The following ZNF597 variants were observed in gnomAD, a reference collection of about 807,000 sequenced individuals.
ZNF597 encodes the protein zinc finger protein 597.
A neutral mutation model predicts 7.3 loss-of-function variants in ZNF597; 5 were observed. That is an observed-to-expected ratio of 0.68 (90% CI 0.36 to 1.44). ZNF597 has a LOEUF of 1.44. Ranked by LOEUF, ZNF597 falls within the 40% of genes most tolerant of loss-of-function variation. ZNF597 has a pLI of 0.04. For missense variants in ZNF597, 585 were observed against 517.9 expected, an observed-to-expected ratio of 1.13 and a Z score of -1.26; for synonymous variants, 209 against 185.4, an observed-to-expected ratio of 1.13 and a Z score of -1.04.
chr16:3,442,926 G>A (rs1189714145), intron 2 of ZNF597, among the ~76,000 whole-genome samples, 195 bp downstream of exon 2: 1 of 152,160 alleles, frequency 6.6e-6, no homozygotes, highest in African/African-American at 2.4e-5. Flanking sequence ...GCTCCCAGTT[G>A]GTAGTTCTGA....
chr16:3,435,829 A>G lies in ZNF597; in HGVS notation c.*595T>C, dbSNP rs1024272083. 1 of 152,368 alleles carries G rather than the reference A, an allele frequency of 6.6e-6. No individual in the cohort carries two copies. The highest frequency in any genetic ancestry group is 1.5e-5 in the Non-Finnish European group (1 of 68,154). The allele number at this position is 152,368 out of a possible 1,614,324, so 9.4% of individuals were successfully genotyped here. ...AATGCCAGTATGTGCCCCTGGCATC[A>G]GAACCATGACAGAGAACTCCGGATA... On this transcript the variant is annotated 3_prime_UTR_variant, in exon 4 of 4. Coordinates refer to ENST00000301744, the MANE Select transcript of ZNF597 (RefSeq NM_152457.3).
chr16:3,442,850 C>CAAACA lies in ZNF597; in HGVS notation c.33+266_33+270dup, dbSNP rs551104879. ...CAGCGACAAGGCCAGACCCTATCTC[C>CAAACA]AAACAAAACAAAACAAACAGATAAG... On this transcript the variant is annotated intron_variant, in intron 2 of 3. Transcript: ENST00000301744. Among the ~76,000 whole-genome samples the CAAACA allele has an allele frequency of 1.3e-3, 199 of 152,224 alleles. 1 individual carries two copies. Among genetic ancestry groups the CAAACA allele is most frequent in the African/African-American group, 4.6e-3 (190 of 41,536 alleles).
chr16:3,436,304 G>C lies in ZNF597; in HGVS notation c.*120C>G. 1.1e-6 allele frequency: 1 copy of C among 928,812 alleles called. No homozygotes were observed. The highest frequency in any genetic ancestry group is 1.7e-5 in the South Asian group (1 of 57,588). The allele number at this position is 928,812 out of a possible 1,614,324, so 57.5% of individuals were successfully genotyped here. A position where few individuals can be genotyped will look rare whatever the true frequency, so the allele number is the denominator to read the frequency against. ...AAATCACGGTTGTGCTGAGAATTAAGTATTACATGGGAATGTGTGTAAAGT... is the reference window on the plus strand; with the variant it reads ...AAATCACGGTTGTGCTGAGAATTAACTATTACATGGGAATGTGTGTAAAGT... On this transcript the variant is annotated 3_prime_UTR_variant, in exon 4 of 4. Coordinates refer to ENST00000301744, the MANE Select transcript of ZNF597 (RefSeq NM_152457.3).
At chr16:3,440,779 C>A in intron 3 of ZNF597, 28 bp downstream of exon 3, 1 of 1,611,794 alleles carries the variant, frequency 6.2e-7, no homozygotes, top group Non-Finnish European at 8.5e-7. Flanking sequence ...GACAAAAGTT[C>A]CAGATGCAGG....
Position 3,433,595 on chromosome 16 carries a change from G to A in ZNF597, c.*2829C>T, listed in dbSNP as rs982691069. The A allele has an allele frequency of 3.4e-5, 5 of 147,924 alleles. No individual in the cohort carries two copies. Among genetic ancestry groups the A allele is most frequent in the African/African-American group, 1.0e-4 (4 of 39,426 alleles). The allele number at this position is 147,924 out of a possible 1,614,324, so 9.2% of individuals were successfully genotyped here. On this transcript the variant is annotated 3_prime_UTR_variant, in exon 4 of 4. Coordinates refer to ENST00000301744, the MANE Select transcript of ZNF597 (RefSeq NM_152457.3). Reference sequence around the variant, plus strand: ...CACCTAACATGGAAGGCTAGTATCTGAGTTAATGACAATTTTATGGAATTT... The same window carrying A: ...CACCTAACATGGAAGGCTAGTATCTAAGTTAATGACAATTTTATGGAATTT...
intron 2 of ZNF597, among the ~76,000 whole-genome samples, 154 bp from the exon 3 acceptor site, chr16:3,441,087 T>C (rs1347882863): frequency 1.3e-5 from 2 of 152,202 alleles, no homozygotes; most frequent in Non-Finnish European, 2.9e-5. Context: ...AAATGGGTTC[T>C]AAGGGGTGGG....
Position 3,436,626 on chromosome 16 carries a change from G to T in ZNF597, c.1073C>A (p.Ser358Tyr). 1 of 1,606,194 alleles carries T rather than the reference G, an allele frequency of 6.2e-7. No homozygotes were observed. The highest frequency in any genetic ancestry group is 8.5e-7 in the Non-Finnish European group (1 of 1,175,728). ...MTFPCFSELISHQNIHTEERP... is the reference protein window; with the variant it reads ...MTFPCFSELIYHQNIHTEERP... ...TTCCTCTGTATGAATGTTCTGATGG[G>T]AAATAAGCTCAGAGAAACAAGGAAA... Residue 358 changes from serine to tyrosine, a missense_variant, in exon 4 of 4, where the codon TCC becomes TAC. Ser to Tyr is a moderately radical substitution (Grantham distance 144, BLOSUM62 -2). Transcript: ENST00000301744.
chr16:3,443,419 C>T lies in ZNF597; in HGVS notation c.-113G>A. On this transcript the variant is annotated 5_prime_UTR_variant, in exon 1 of 4. Coordinates refer to ENST00000301744, the MANE Select transcript of ZNF597 (RefSeq NM_152457.3). Reference sequence around the variant, plus strand: ...GACAGGAGCTGCAGAAAGCGACGCCCGACCGAGACGCGACGAAGAACGCCA... The same window carrying T: ...GACAGGAGCTGCAGAAAGCGACGCCTGACCGAGACGCGACGAAGAACGCCA... The T allele has an allele frequency of 1.1e-5, 6 of 524,182 alleles. 1 individual carries two copies. In the South Asian group the frequency reaches 1.7e-4, roughly 15 times the overall value. The allele number at this position is 524,182 out of a possible 1,614,324, so 32.5% of individuals were successfully genotyped here.
rs150503963 is a variant in ZNF597 at position 3,436,781 on chromosome 16, C to T, written c.918G>A (p.Arg306=). 1.2e-6 allele frequency: 2 copies of T among 1,613,404 alleles called. No homozygotes were observed. The highest frequency in any genetic ancestry group is 2.7e-5 in the African/African-American group (2 of 74,902). Residue 306 remains arginine, a synonymous_variant, in exon 4 of 4, where the codon AGG becomes AGA. Transcript: ENST00000301744. The stretch of plus-strand genomic sequence containing the variant: ...CGGAAAGGGCAGGATATAAGGACTG[C>T]CTGAAGCTCTTCATGCACTTAGTGT... ...YQHTKCMKSF[R]QSLYPALSEK...
In ZNF597 at chr16:3,440,944, A is replaced by G. The variant is rs183222316; in HGVS notation, c.34-11T>C. ...AAAGAGTATTGGTCCCTGAAACACAAGAGCCTGTGTCAGCACAAGAGGGTG... is the reference window on the plus strand; with the variant it reads ...AAAGAGTATTGGTCCCTGAAACACAGGAGCCTGTGTCAGCACAAGAGGGTG... On this transcript the variant is annotated splice_polypyrimidine_tract_variant and intron_variant, in intron 2 of 3. Transcript: ENST00000301744. 87 of 1,612,094 alleles carry G rather than the reference A, an allele frequency of 5.4e-5. No individual in the cohort carries two copies. The African/African-American group carries it at 9.9e-4, about 18-fold the overall frequency.
Position 3,433,883 on chromosome 16 carries a change from T to C in ZNF597, c.*2541A>G, listed in dbSNP as rs1181004188. 6.6e-6 allele frequency: 1 copy of C among 152,186 alleles called. No individual in the cohort carries two copies. The highest frequency in any genetic ancestry group is 1.5e-5 in the Non-Finnish European group (1 of 68,032). 9.4% of individuals were successfully genotyped at this position (152,186 alleles called of 1,614,324 possible). ...TATTATACCAAAAAGCCATTTTAGT[T>C]CTACCCACACGTATGTTAATGTTTC... On this transcript the variant is annotated 3_prime_UTR_variant, in exon 4 of 4. Transcript: ENST00000301744.
Position 3,436,458 on chromosome 16 carries a change from G to A in ZNF597, c.1241C>T (p.Thr414Ile). The A allele has an allele frequency of 1.2e-6, 2 of 1,614,140 alleles. No homozygotes were observed. The highest frequency in any genetic ancestry group is 1.3e-5 in the African/African-American group (1 of 75,046). The change falls in exon 4 of 4, where the codon ACT becomes ATT. Residue 414 changes from threonine to isoleucine, a missense_variant. Coordinates refer to ENST00000301744, the MANE Select transcript of ZNF597 (RefSeq NM_152457.3). ...KTFKSNLHLI[T>I]HKRTHIKNTT ...GTTTTTTATGTGAGTTCGCTTATGA[G>A]TAATGAGATGCAAATTCGACTTGAA...
At chr16:3,439,132 A>G (rs1364131902) in intron 3 of ZNF597, among the ~76,000 whole-genome samples, 1 of 152,158 alleles carries the variant, frequency 6.6e-6, no homozygotes, top group Non-Finnish European at 1.5e-5. Context: ...TAATCCCAGC[A>G]CATTGGGAGG....
In ZNF597 at chr16:3,435,548, G is replaced by A. The variant is rs181153105; in HGVS notation, c.*876C>T. On this transcript the variant is annotated 3_prime_UTR_variant, in exon 4 of 4. Transcript: ENST00000301744. ...ACCCTCTGAGGACTTCAGTTTCCTC[G>A]TTTATGAAACAAAGATTTTTTTTCT... 3.1e-5 allele frequency: 4 copies of A among 127,964 alleles called. No homozygotes were observed. The highest frequency in any genetic ancestry group is 2.5e-4 in the East Asian group (1 of 3,938). 7.9% of individuals were successfully genotyped at this position (127,964 alleles called of 1,614,324 possible). A position where few individuals can be genotyped will look rare whatever the true frequency, so the allele number is the denominator to read the frequency against.
At chr16:3,438,599 G>GA (rs967508737) in intron 3 of ZNF597, among the ~76,000 whole-genome samples, 6 of 151,286 alleles carry the variant, frequency 4.0e-5, no homozygotes, top group African/African-American at 1.2e-4. Context: ...AAAGAAAAAA[G>GA]AAAAAAAAGC....
chr16:3,433,634 G>A lies in ZNF597; in HGVS notation c.*2790C>T, dbSNP rs2034274015. On this transcript the variant is annotated 3_prime_UTR_variant, in exon 4 of 4. Coordinates refer to ENST00000301744, the MANE Select transcript of ZNF597 (RefSeq NM_152457.3). ...TTTATGGAATTTATCTCCATCAGTT[G>A]ACACTGTAAACAGAAGGGTGAAATG... 6.6e-6 allele frequency: 1 copy of A among 152,186 alleles called. No homozygotes were observed. The highest frequency in any genetic ancestry group is 2.4e-5 in the African/African-American group (1 of 41,436). The allele number at this position is 152,186 out of a possible 1,614,324, so 9.4% of individuals were successfully genotyped here.
rs556150524 is a variant in ZNF597 at position 3,436,244 on chromosome 16, G to A, written c.*180C>T. Reference sequence around the variant, plus strand: ...TCACTAGTTTAGTGACACGGATTTTGCATCCCTACTTATAAAATGGAAATG... The same window carrying A: ...TCACTAGTTTAGTGACACGGATTTTACATCCCTACTTATAAAATGGAAATG... On this transcript the variant is annotated 3_prime_UTR_variant, in exon 4 of 4. Coordinates refer to ENST00000301744, the MANE Select transcript of ZNF597 (RefSeq NM_152457.3). 2.0e-5 allele frequency: 13 copies of A among 639,322 alleles called. No individual in the cohort carries two copies. In the South Asian group the frequency reaches 2.7e-4, roughly 13 times the overall value. The allele number at this position is 639,322 out of a possible 1,614,324, so 39.6% of individuals were successfully genotyped here.
Position 3,439,795 on chromosome 16 carries a change from T to C in ZNF597, c.160+1012A>G, listed in dbSNP as rs144520077. ...ATTTACCCAGGAAGTAAAGAAAATA[T>C]AGAAAATATAACCCATAACTAGAAG... On this transcript the variant is annotated intron_variant, in intron 3 of 3. Coordinates refer to ENST00000301744, the MANE Select transcript of ZNF597 (RefSeq NM_152457.3). Among the ~76,000 whole-genome samples the C allele has an allele frequency of 1.3e-4, 20 of 152,024 alleles. No homozygotes were observed. The East Asian group carries it at 3.5e-3, about 26-fold the overall frequency.
At chr16:3,443,266 C>T in intron 1 of ZNF597, 60 bp from the exon 2 acceptor site, 1 of 1,053,594 alleles carries the variant, frequency 9.5e-7, no homozygotes, top group Non-Finnish European at 1.4e-6. Context: ...TCCTCCACTA[C>T]CCCTAGCCTC....
Sources: gnomAD v4.1 joint callset for allele counts (sites outside exome capture counted in the v4.1 genomes callset) on GRCh38, gnomAD v4.1.1 for gene constraint, MANE v1.5 for transcripts, NCBI Gene and HGNC (gene_info 2026-07-23, HGNC 2026-07-21) for gene names.